Variants in PRDM13 observed in about 807,000 individuals in gnomAD.
PRDM13 encodes PR/SET domain 13, also known as PR domain zinc finger protein 13.
PRDM13 carries 15 observed loss-of-function variants against 36.4 expected under a neutral mutation model. That is an observed-to-expected ratio of 0.41 (90% CI 0.28 to 0.64). The LOEUF (loss-of-function observed/expected upper bound fraction) is 0.64, where lower values mean the gene tolerates loss of function less well. Among genes scored for constraint, PRDM13 ranks in the 30% least tolerant of loss-of-function variants. The pLI is 0.29. For synonymous variants in PRDM13, 531 were observed against 467.7 expected (o/e 1.14, Z -1.75); for missense variants, 1,044 against 1,013.5 (o/e 1.03, Z -0.41).
At position 99,613,125 on chromosome 6, in the gene PRDM13, G is replaced by A. The variant is rs1770055706; in HGVS notation, c.490G>A (p.Gly164Ser). 1 of 1,613,318 alleles carries A rather than the reference G, an allele frequency of 6.2e-7. No individual in the cohort carries two copies. The highest frequency in any genetic ancestry group is 8.5e-7 in the Non-Finnish European group (1 of 1,180,004). Residue 164 changes from glycine (G) to serine (S), a missense_variant, in exon 4 of 4, where the codon GGC (glycine) becomes AGC (serine). Physicochemically the swap from Gly to Ser is moderately conservative, Grantham distance 56 (BLOSUM62 0). Around this residue, in one of 3 missense-constraint regions of PRDM13, gnomAD observed 921 missense variants for 865.2 expected, o/e 1.06. Coordinates refer to ENST00000369215, the MANE Select transcript of PRDM13 (RefSeq NM_021620.4). This position sits in a 1 kb window ranked among gnomAD's most constrained non-coding sequence, Gnocchi z 6.1. ...CCTGCGTTTCCACTGCGTGTTCAGC[G>A]GCGGTGGAGGCGGCGCCTTCCTGCA... is the stretch of plus-strand genomic sequence containing the variant. ...AHLRFHCVFS[G>S]GGGGAFLHHE...
chr6:99,609,669 T>G (rs533066808), intron 3 of PRDM13, among the ~76,000 whole-genome samples: 6 of 152,226 alleles, frequency 3.9e-5, no homozygotes, highest in Admixed American at 3.9e-4. Flanking sequence ...GAGGATCACT[T>G]GAGGCTAGGA....
At position 99,609,180 on chromosome 6, in the gene PRDM13, G is replaced by A. The variant is rs928270448; in HGVS notation, c.277-7G>A. 1.1e-5 allele frequency: 17 copies of A among 1,613,372 alleles called. No homozygotes were observed. The highest frequency in any genetic ancestry group is 1.3e-5 in the African/African-American group (1 of 74,852). On this transcript the variant is annotated splice_region_variant and splice_polypyrimidine_tract_variant and intron_variant, in intron 2 of 3. Transcript: ENST00000369215. ...GACATTGAACTGTTCTATTCCTTGCGTCCCAGATCTTCTACCGAGCATTGC... is the reference window on the plus strand; with the variant it reads ...GACATTGAACTGTTCTATTCCTTGCATCCCAGATCTTCTACCGAGCATTGC...
chr6:99,609,752 G>A lies in PRDM13; in HGVS notation c.397+445G>A, dbSNP rs1013332901. ...AAAAAAATAATTAGCCAGGTGCGGC[G>A]GTACATGCCTGTAGTCTTAGCTACT... is the stretch of plus-strand genomic sequence containing the variant. On this transcript the variant is annotated intron_variant, in intron 3 of 3. Transcript: ENST00000369215. Among the ~76,000 whole-genome samples the A allele has an allele frequency of 3.9e-5, 6 of 152,120 alleles. No homozygotes were observed. The South Asian group carries it at 8.3e-4, about 21-fold the overall frequency.
At chr6:99,609,106 G>A (rs974654003) in intron 2 of PRDM13, 81 bp from the exon 3 acceptor site, 2 of 1,529,728 alleles carry the variant, frequency 1.3e-6, no homozygotes, top group African/African-American at 2.7e-5. Context: ...TCAGAATCCG[G>A]ATTTGAACCT....
At chr6:99,608,926 C>T (rs1769993101) in intron 2 of PRDM13, 54 bp downstream of exon 2, 1 of 1,574,568 alleles carries the variant, frequency 6.4e-7, no homozygotes, top group Non-Finnish European at 8.6e-7. Flanking sequence ...ATTCAGTCTA[C>T]CTAACCGTCC....
rs1035391803 is a variant in PRDM13 at position 99,606,842 on chromosome 6, C to T, written c.-193C>T. On this transcript the variant is annotated 5_prime_UTR_variant, in exon 1 of 4. Transcript: ENST00000369215. ...GCAACTCTCTCACCAAACTCCGCGC[C>T]CTTGCGCTAGCGGTGCCAAAAGGCT... 32 of 697,444 alleles carry T rather than the reference C, an allele frequency of 4.6e-5. No individual in the cohort carries two copies. The highest frequency in any genetic ancestry group is 6.7e-5 in the Non-Finnish European group (30 of 446,070). 43.2% of individuals were successfully genotyped at this position (697,444 alleles called of 1,614,324 possible).
Position 99,613,602 on chromosome 6 carries a change from G to T in PRDM13, c.967G>T (p.Gly323Cys). The change falls in exon 4 of 4, where the codon GGC (glycine) becomes TGC (cysteine). Residue 323 changes from glycine (G) to cysteine (C), a missense_variant. Physicochemically the swap from Gly to Cys is radical, Grantham distance 159 (BLOSUM62 -3). Transcript: ENST00000369215. This position sits in a 1 kb window ranked among gnomAD's most constrained non-coding sequence, Gnocchi z 6.1. ...GGAGAGCAGCAGCAAGCAAGGAGCC[G>T]GCCTCGCTTTGGGCAGGCTGCTGGG... Reference protein sequence around the residue: ...REESSSKQGAGLALGRLLGGG... With the variant: ...REESSSKQGACLALGRLLGGG... The T allele has an allele frequency of 6.7e-7, 1 of 1,490,884 alleles. No individual in the cohort carries two copies. 92.4% of individuals were successfully genotyped at this position (1,490,884 alleles called of 1,614,324 possible).
Position 99,613,535 on chromosome 6 carries a change from AG to A in PRDM13, c.901del (p.Ala301ArgfsTer190), listed in dbSNP as rs1770069031. The A allele has an allele frequency of 6.7e-7, 1 of 1,497,844 alleles. No individual in the cohort carries two copies. The highest frequency in any genetic ancestry group is 8.8e-7 in the Non-Finnish European group (1 of 1,134,604). 92.8% of individuals were successfully genotyped at this position (1,497,844 alleles called of 1,614,324 possible). On this transcript the variant is annotated frameshift_variant, in exon 4 of 4. Coordinates refer to ENST00000369215, the MANE Select transcript of PRDM13 (RefSeq NM_021620.4). LOFTEE classifies it high-confidence loss of function. The surrounding 1 kb of genome is among the most constrained non-coding windows in gnomAD (Gnocchi z 6.1). ...VRSAFKPAGL[A>X]RAAAAAHGDP... ...GCTCAGCTTTCAAGCCCGCCGGCCTAGCGAGGGCGGCGGCGGCCGCTCACGG... is the reference window on the plus strand; with the variant it reads ...GCTCAGCTTTCAAGCCCGCCGGCCTACGAGGGCGGCGGCGGCCGCTCACGG...
rs1769987385 is a variant in PRDM13 at position 99,608,653 on chromosome 6, T to G, written c.145-88T>G. On this transcript the variant is annotated intron_variant, in intron 1 of 3. Coordinates refer to ENST00000369215, the MANE Select transcript of PRDM13 (RefSeq NM_021620.4). ...CAAACCAAAAACAACCACTTTCCTG[T>G]GTTGGGTTGGGGTGGAGGATAAACT... is the stretch of plus-strand genomic sequence containing the variant. 1.5e-5 allele frequency: 22 copies of G among 1,489,782 alleles called. No homozygotes were observed. In the South Asian group the frequency reaches 2.3e-4, roughly 16 times the overall value. 92.3% of individuals were successfully genotyped at this position (1,489,782 alleles called of 1,614,324 possible). A position where few individuals can be genotyped will look rare whatever the true frequency, so the allele number is the denominator to read the frequency against.
In PRDM13 at chr6:99,614,604, A is replaced by AGTC. The variant is rs763158888; in HGVS notation, c.1970_1972dup (p.Ser657_Leu658insArg). 1 of 1,612,480 alleles carries AGTC rather than the reference A, an allele frequency of 6.2e-7. No homozygotes were observed. Among genetic ancestry groups the AGTC allele is most frequent in the Non-Finnish European group, 8.5e-7 (1 of 1,179,848 alleles). ...TGTCAAGTCCCGCCACCCTGGCCAG[A>AGTC]GTCTGCTCGCCAAAGCGGGCGACGG... On this transcript the variant is annotated inframe_insertion, in exon 4 of 4. Transcript: ENST00000369215.
chr6:99,613,392 G>A lies in PRDM13; in HGVS notation c.757G>A (p.Glu253Lys). The A allele has an allele frequency of 6.4e-7, 1 of 1,555,540 alleles. No homozygotes were observed. The highest frequency in any genetic ancestry group is 8.6e-7 in the Non-Finnish European group (1 of 1,157,838). The change falls in exon 4 of 4, where the codon GAG (glutamate) becomes AAG (lysine). Residue 253 changes from glutamate (E) to lysine (K), a missense_variant. Coordinates refer to ENST00000369215, the MANE Select transcript of PRDM13 (RefSeq NM_021620.4). This position sits in a 1 kb window ranked among gnomAD's most constrained non-coding sequence, Gnocchi z 6.1. The stretch of plus-strand genomic sequence containing the variant: ...GTGGGGGCAGCCCAAGAAGGGCAAG[G>A]AGCAGCTGGACCGTGCCCTGGACAT... ...GKWGQPKKGKEQLDRALDMSG... is the reference protein window; with the variant it reads ...GKWGQPKKGKKQLDRALDMSG...
In PRDM13 at chr6:99,608,770, C is replaced by T. The variant is rs770781205; in HGVS notation, c.174C>T (p.Asp58=). The T allele has an allele frequency of 1.9e-6, 3 of 1,611,110 alleles. No individual in the cohort carries two copies. The East Asian group carries it at 6.7e-5, about 36-fold the overall frequency. Residue 58 remains aspartate, a synonymous_variant, in exon 2 of 4, where the codon GAC becomes GAT. Coordinates refer to ENST00000369215, the MANE Select transcript of PRDM13 (RefSeq NM_021620.4). ...KVRMVRGELV[D]ESGGSPLEWI... ...GCATGGTGAGAGGGGAGCTGGTGGA[C>T]GAGTCGGGGGGCTCCCCTCTGGAGT...
Position 99,607,193 on chromosome 6 carries a change from G to C in PRDM13, c.144+15G>C. 7 of 1,612,730 alleles carry C rather than the reference G, an allele frequency of 4.3e-6. No homozygotes were observed. The highest frequency in any genetic ancestry group is 5.1e-6 in the Non-Finnish European group (6 of 1,179,836). On this transcript the variant is annotated intron_variant, in intron 1 of 3. Transcript: ENST00000369215. ...CTAAGAAAAAGGTATTGACCATTCA[G>C]ACCTCTGCCCACTGCCATTCGCCTC...
At chr6:99,609,890 A>C (rs539145142) in intron 3 of PRDM13, among the ~76,000 whole-genome samples, 2 of 131,230 alleles carry the variant, frequency 1.5e-5, no homozygotes, top group South Asian at 4.7e-4. Context: ...GTCTCAAAAT[A>C]AATAAATAAA....
At position 99,606,865 on chromosome 6, in the gene PRDM13, G is replaced by C. The variant is rs1315523082; in HGVS notation, c.-170G>C. ...GCCCTTGCGCTAGCGGTGCCAAAAG[G>C]CTCCCGCCCCGATTGAAAAGGCGCA... On this transcript the variant is annotated 5_prime_UTR_variant, in exon 1 of 4. Transcript: ENST00000369215. 1.1e-6 allele frequency: 1 copy of C among 895,058 alleles called. No individual in the cohort carries two copies. The highest frequency in any genetic ancestry group is 1.6e-6 in the Non-Finnish European group (1 of 622,884). 55.4% of individuals were successfully genotyped at this position (895,058 alleles called of 1,614,324 possible). A position where few individuals can be genotyped will look rare whatever the true frequency, so the allele number is the denominator to read the frequency against.
chr6:99,611,964 A>C (rs569177095), intron 3 of PRDM13, among the ~76,000 whole-genome samples: 1 of 152,304 alleles, frequency 6.6e-6, no homozygotes, highest in African/African-American at 2.4e-5. Flanking sequence ...CTAGTATGTG[A>C]TCAGAATGTC....
rs371612283 is a variant in PRDM13, at chr6:99,614,613, G to C, written c.1978G>C (p.Ala660Pro). ...CCGCCACCCTGGCCAGAGTCTGCTCGCCAAAGCGGGCGACGGCCCGGGTGC... is the reference window on the plus strand; with the variant it reads ...CCGCCACCCTGGCCAGAGTCTGCTCCCCAAAGCGGGCGACGGCCCGGGTGC... ...KSRHPGQSLL[A>P]KAGDGPGAEP... is the part of the protein sequence containing the mutation. Residue 660 changes from alanine to proline, a missense_variant, in exon 4 of 4, where the codon GCC becomes CCC. Ala to Pro is a conservative substitution (Grantham distance 27, BLOSUM62 -1). Around this residue, in one of 3 missense-constraint regions of PRDM13, gnomAD observed 115 missense variants for 122.1 expected, o/e 0.94. Coordinates refer to ENST00000369215, the MANE Select transcript of PRDM13 (RefSeq NM_021620.4). The C allele has an allele frequency of 2.0e-5, 32 of 1,612,368 alleles. No individual in the cohort carries two copies. The highest frequency in any genetic ancestry group is 2.5e-5 in the Non-Finnish European group (30 of 1,179,820).
chr6:99,613,687 G>A lies in PRDM13; in HGVS notation c.1052G>A (p.Gly351Asp). The change falls in exon 4 of 4, where the codon GGT becomes GAT. Residue 351 changes from glycine (G) to aspartate (D), a missense_variant. Transcript: ENST00000369215. This position sits in a 1 kb window ranked among gnomAD's most constrained non-coding sequence, Gnocchi z 6.1. ...SGENSAAGGA[G>D]HHHHHHAHHH... is the part of the protein sequence containing the mutation. ...GAGAACTCGGCGGCGGGCGGCGCGG[G>A]TCACCACCATCACCACCACGCGCAC... The A allele has an allele frequency of 1.4e-6, 2 of 1,445,006 alleles. No individual in the cohort carries two copies. Among genetic ancestry groups the A allele is most frequent in the Non-Finnish European group, 1.8e-6 (2 of 1,111,412 alleles). 89.5% of individuals were successfully genotyped at this position (1,445,006 alleles called of 1,614,324 possible).
At chr6:99,612,428 G>A (rs1372412778) in intron 3 of PRDM13, among the ~76,000 whole-genome samples, 1 of 152,164 alleles carries the variant, frequency 6.6e-6, no homozygotes, top group Non-Finnish European at 1.5e-5. Flanking sequence ...CCTTCAGTTG[G>A]TCACGCTCCA....
Sources: allele counts gnomAD v4.1 joint callset (sites outside exome capture counted in the v4.1 genomes callset), GRCh38; gene constraint gnomAD v4.1.1; regional missense constraint gnomAD v4.1.1; non-coding constraint Gnocchi (gnomAD v3.1); transcripts MANE v1.5; gene names NCBI Gene and HGNC (gene_info 2026-07-23, HGNC 2026-07-21).